The following SMAD7 variants were observed in gnomAD, a reference collection of about 807,000 sequenced individuals.
SMAD7 encodes the protein MAD (mothers against decapentaplegic, Drosophila) homolog 7.
SMAD7 carries 8 observed loss-of-function variants against 38.7 expected under a neutral mutation model. The ratio of observed to expected loss-of-function variants is 0.21; its 90% CI spans 0.12 to 0.37. The LOEUF is 0.37. Among genes scored for constraint, SMAD7 ranks in the 10% least tolerant of loss-of-function variants. SMAD7 has a pLI of 1.00. For synonymous variants in SMAD7, 327 were observed against 265.1 expected (o/e 1.23, Z -2.27); for missense variants, 477 against 577.9 (o/e 0.83, Z 1.79).
chr18:48,950,480 C>T lies in SMAD7; in HGVS notation c.-56G>A. On this transcript the variant is annotated 5_prime_UTR_variant, in exon 1 of 4. Transcript: ENST00000262158. ...TTGCCTGCTAAGGAGCGAACATGACCTCCGCACACCATGAAGAAGTCGGGC... is the reference window on the plus strand; with the variant it reads ...TTGCCTGCTAAGGAGCGAACATGACTTCCGCACACCATGAAGAAGTCGGGC... 3 of 1,472,462 alleles carry T rather than the reference C, an allele frequency of 2.0e-6. No homozygotes were observed. The highest frequency in any genetic ancestry group is 2.7e-6 in the Non-Finnish European group (3 of 1,105,474). 91.2% of individuals were successfully genotyped at this position (1,472,462 alleles called of 1,614,324 possible).
At chr18:48,947,688 T>G (rs1440015796) in intron 2 of SMAD7, among the ~76,000 whole-genome samples, 1 of 152,264 alleles carries the variant, frequency 6.6e-6, no homozygotes, top group Non-Finnish European at 1.5e-5. Context: ...ACCCCTGTGC[T>G]GCTGCCGGCC....
intron 3 of SMAD7, among the ~76,000 whole-genome samples, chr18:48,923,836 T>C (rs1168480358): frequency 6.6e-6 from 1 of 152,222 alleles, no homozygotes; most frequent in African/African-American, 2.4e-5. Context: ...TGTGTGTTTC[T>C]GTGTGCACAT....
chr18:48,921,839 T>C lies in SMAD7; in HGVS notation c.814A>G (p.Arg272Gly). 6.2e-7 allele frequency: 1 copy of C among 1,613,868 alleles called. No individual in the cohort carries two copies. The highest frequency in any genetic ancestry group is 1.1e-5 in the South Asian group (1 of 91,080). Residue 272 changes from arginine (R) to glycine (G), a missense_variant, in exon 4 of 4, where the codon AGA becomes GGA. Physicochemically the swap from Arg to Gly is moderately radical, Grantham distance 125 (BLOSUM62 -2). Transcript: ENST00000262158. The surrounding 1 kb of genome is among the most constrained non-coding windows in gnomAD (Gnocchi z 6.4). ...CVVAYWEEKT[R>G]VGRLYCVQEP... ...TGGACACAGTAGAGCCTCCCCACTC[T>C]CGTCTTCTCCTCCCAGTATGCCACC...
rs866926794 is a variant in SMAD7, at chr18:48,950,193, G to A, written c.232C>T (p.Pro78Ser). The stretch of plus-strand genomic sequence containing the variant: ...CCGGCCGCGCCGGCGCCCGCGGCTG[G>A]CGGGTGGGGATGGTGGTGACCTTTG... ...GAKGHHHPHP[P>S]AAGAGAAGGA... The change falls in exon 1 of 4, where the codon CCA becomes TCA. Residue 78 changes from proline (P) to serine (S), a missense_variant. Pro to Ser is a moderately conservative substitution (Grantham distance 74, BLOSUM62 -1). Transcript: ENST00000262158. 55 of 1,487,390 alleles carry A rather than the reference G, an allele frequency of 3.7e-5. No individual in the cohort carries two copies. In the Admixed American group the frequency reaches 5.3e-4, roughly 14 times the overall value. 92.1% of individuals were successfully genotyped at this position (1,487,390 alleles called of 1,614,324 possible).
At position 48,950,310 on chromosome 18, in the gene SMAD7, C is replaced by G. The variant is rs144204026; in HGVS notation, c.115G>C (p.Gly39Arg). 6.5e-7 allele frequency: 1 copy of G among 1,534,724 alleles called. No homozygotes were observed. The highest frequency in any genetic ancestry group is 1.2e-5 in the South Asian group (1 of 82,942). The change falls in exon 1 of 4, where the codon GGA becomes CGA. Residue 39 changes from glycine to arginine, a missense_variant. By Grantham distance (125) the Gly-to-Arg change is moderately radical. Around this residue, in one of 2 missense-constraint regions of SMAD7, gnomAD observed 376 missense variants for 379.4 expected, o/e 0.99. Coordinates refer to ENST00000262158, the MANE Select transcript of SMAD7 (RefSeq NM_005904.4). ...GCTCGGCTGTCCGTCGCCCCTTCTC[C>G]CCGCAGCTCGCCTCCTCCTCCACCT... Reference protein sequence around the residue: ...GGGGGGGELRGEGATDSRAHG... With the variant: ...GGGGGGGELRREGATDSRAHG...
rs779292276 is a variant in SMAD7 at position 48,949,826 on chromosome 18, C to T, written c.599G>A (p.Arg200Gln). ...LVCCNPHHLS[R>Q]LCELESPPPP... Reference sequence around the variant, plus strand: ...CAACTTCTCACCTAGTTCGCAGAGTCGGCTAAGGTGATGGGGGTTGCAGCA... The same window carrying T: ...CAACTTCTCACCTAGTTCGCAGAGTTGGCTAAGGTGATGGGGGTTGCAGCA... The change falls in exon 1 of 4, where the codon CGA (arginine) becomes CAA (glutamine). Residue 200 changes from arginine to glutamine, a missense_variant. Arg to Gln is a conservative substitution (Grantham distance 43). This residue lies in a region of SMAD7 where 376 missense variants were observed against 379.4 expected (regional missense o/e 0.99). Transcript: ENST00000262158. 6.2e-7 allele frequency: 1 copy of T among 1,609,384 alleles called. No individual in the cohort carries two copies. The highest frequency in any genetic ancestry group is 1.1e-5 in the South Asian group (1 of 90,454).
intron 3 of SMAD7, among the ~76,000 whole-genome samples, chr18:48,927,854 C>G (rs2069947849): frequency 6.6e-6 from 1 of 152,156 alleles, no homozygotes; most frequent in Non-Finnish European, 1.5e-5. Context: ...TCATGACAAC[C>G]CTCTGAGGCT....
intron 3 of SMAD7, among the ~76,000 whole-genome samples, chr18:48,925,312 T>C (rs1376914441): frequency 1.3e-5 from 2 of 152,240 alleles, no homozygotes; most frequent in African/African-American, 2.4e-5. Flanking sequence ...AAAAGCTGTG[T>C]TGTAAAAAGC....
chr18:48,935,353 C>T (rs1599227905), intron 3 of SMAD7, among the ~76,000 whole-genome samples: 1 of 152,340 alleles, frequency 6.6e-6, no homozygotes, highest in South Asian at 2.1e-4. Flanking sequence ...GGCAGGCAGC[C>T]AGGCTTGGGG....
In SMAD7 at chr18:48,922,678, G is replaced by C. The variant is rs1034152582; in HGVS notation, c.743-768C>G. ...TATTAACCCGGGCTACCTTAACAAA[G>C]CTTCCTCCAGCCCAGACAGAAGATT... On this transcript the variant is annotated intron_variant, in intron 3 of 3. Coordinates refer to ENST00000262158, the MANE Select transcript of SMAD7 (RefSeq NM_005904.4). Among the ~76,000 whole-genome samples, 2 of 152,234 alleles carry C rather than the reference G, an allele frequency of 1.3e-5. 1 individual carries two copies. Among genetic ancestry groups the C allele is most frequent in the South Asian group, 4.2e-4 (2 of 4,816 alleles).
At position 48,920,163 on chromosome 18, in the gene SMAD7, TTCTC is replaced by T. The variant is rs1445620049; in HGVS notation, c.*1205_*1208del. On this transcript the variant is annotated 3_prime_UTR_variant, in exon 4 of 4. Coordinates refer to ENST00000262158, the MANE Select transcript of SMAD7 (RefSeq NM_005904.4). The stretch of plus-strand genomic sequence containing the variant: ...TCTCAGGTTTTTTTTCAGGAGTCCT[TTCTC>T]TCTCAAAGCACTACAATGCTAAATT... The T allele has an allele frequency of 6.6e-6, 1 of 152,630 alleles. No homozygotes were observed. Among genetic ancestry groups the T allele is most frequent in the African/African-American group, 2.4e-5 (1 of 41,452 alleles). 9.5% of individuals were successfully genotyped at this position (152,630 alleles called of 1,614,324 possible).
chr18:48,921,169 C>T lies in SMAD7; in HGVS notation c.*203G>A, dbSNP rs1200066379. ...CCCCTTCTTCCAAAAAAACCCCCAA[C>T]AATTCTTTTCATAAGCTATTTCTCA... On this transcript the variant is annotated 3_prime_UTR_variant, in exon 4 of 4. Transcript: ENST00000262158. The surrounding 1 kb of genome is among the most constrained non-coding windows in gnomAD (Gnocchi z 6.4). 2 of 568,730 alleles carry T rather than the reference C, an allele frequency of 3.5e-6. No individual in the cohort carries two copies. Among genetic ancestry groups the T allele is most frequent in the East Asian group, 3.0e-5 (1 of 33,802 alleles). The allele number at this position is 568,730 out of a possible 1,614,324, so 35.2% of individuals were successfully genotyped here.
rs1291542509 is a variant in SMAD7, at chr18:48,919,906, C to A, written c.*1466G>T. 1 of 152,570 alleles carries A rather than the reference C, an allele frequency of 6.6e-6. No individual in the cohort carries two copies. The highest frequency in any genetic ancestry group is 1.9e-4 in the East Asian group (1 of 5,202). 9.5% of individuals were successfully genotyped at this position (152,570 alleles called of 1,614,324 possible). A position where few individuals can be genotyped will look rare whatever the true frequency, so the allele number is the denominator to read the frequency against. On this transcript the variant is annotated 3_prime_UTR_variant, in exon 4 of 4. Coordinates refer to ENST00000262158, the MANE Select transcript of SMAD7 (RefSeq NM_005904.4). The stretch of plus-strand genomic sequence containing the variant: ...TGGAACATAAACTCCTTTAGAAAAA[C>A]ATTCAGCTAGGTGATAACACCCATA...
Position 48,943,947 on chromosome 18 carries a change from G to A in SMAD7, c.668-1392C>T, listed in dbSNP as rs982978310. On this transcript the variant is annotated intron_variant, in intron 2 of 3. Coordinates refer to ENST00000262158, the MANE Select transcript of SMAD7 (RefSeq NM_005904.4). Reference sequence around the variant, plus strand: ...AACTCTCCTAAGCGGGCGAGGGGCAGAAGTGGAGGCAGGCGTGGGGGTGAG... The same window carrying A: ...AACTCTCCTAAGCGGGCGAGGGGCAAAAGTGGAGGCAGGCGTGGGGGTGAG... Among the ~76,000 whole-genome samples, 8 of 152,198 alleles carry A rather than the reference G, an allele frequency of 5.3e-5. No individual in the cohort carries two copies. The East Asian group carries it at 5.8e-4, about 11-fold the overall frequency.
rs564714418 is a variant in SMAD7 at position 48,934,148 on chromosome 18, C to T, written c.742+8333G>A. Among the ~76,000 whole-genome samples, 14 of 152,328 alleles carry T rather than the reference C, an allele frequency of 9.2e-5. No homozygotes were observed. The South Asian group carries it at 2.7e-3, about 29-fold the overall frequency. On this transcript the variant is annotated intron_variant, in intron 3 of 3. Coordinates refer to ENST00000262158, the MANE Select transcript of SMAD7 (RefSeq NM_005904.4). ...ACTGTAGGGCTGTGATAAGCCCCCT[C>T]TCTGGGAGATGCTTCTAGGTGAACC...
intron 3 of SMAD7, among the ~76,000 whole-genome samples, chr18:48,936,556 A>G (rs1203137702): frequency 2.0e-5 from 3 of 152,192 alleles, no homozygotes; most frequent in Non-Finnish European, 2.9e-5. Flanking sequence ...TTTTCTCTCA[A>G]ATGTCTCTAC....
At chr18:48,922,435 T>C (rs6507874) in intron 3 of SMAD7, among the ~76,000 whole-genome samples, 81,890 of 151,842 alleles carry the variant, frequency 0.54, 22,506 homozygotes, top group South Asian at 0.7. Flanking sequence ...GTCTAGACTC[T>C]GGGACCACCT....
At chr18:48,937,985 C>T (rs2070090919) in intron 3 of SMAD7, among the ~76,000 whole-genome samples, 1 of 152,206 alleles carries the variant, frequency 6.6e-6, no homozygotes, top group African/African-American at 2.4e-5. Flanking sequence ...AGCAGAGCAA[C>T]AGGCGCCCAG....
chr18:48,950,176 G>T lies in SMAD7; in HGVS notation c.249C>A (p.Gly83=). 2 of 1,482,502 alleles carry T rather than the reference G, an allele frequency of 1.3e-6. No individual in the cohort carries two copies. Among genetic ancestry groups the T allele is most frequent in the Non-Finnish European group, 8.9e-7 (1 of 1,123,268 alleles). The allele number at this position is 1,482,502 out of a possible 1,614,324, so 91.8% of individuals were successfully genotyped here. ...GATCCGCCTCGGCGCCCCCGGCCGC[G>T]CCGGCGCCCGCGGCTGGCGGGTGGG... is the stretch of plus-strand genomic sequence containing the variant. ...HHPHPPAAGA[G]AAGGAEADLK... Residue 83 remains glycine (G), a synonymous_variant, in exon 1 of 4, where the codon GGC becomes GGA. Transcript: ENST00000262158.
Sources: allele counts gnomAD v4.1 joint callset (sites outside exome capture counted in the v4.1 genomes callset), GRCh38; gene constraint gnomAD v4.1.1; regional missense constraint gnomAD v4.1.1; non-coding constraint Gnocchi (gnomAD v3.1); transcripts MANE v1.5; gene names NCBI Gene and HGNC (gene_info 2026-07-23, HGNC 2026-07-21).